The following ANKHD1 variants were observed in gnomAD, a reference collection of about 807,000 sequenced individuals.
The protein encoded by ANKHD1 is ankyrin repeat and KH domain containing 1.
ANKHD1 carries 31 observed loss-of-function variants against 230.5 expected under a neutral mutation model. The observed-to-expected ratio is 0.13, with a 90% confidence interval of 0.10 to 0.18. ANKHD1 has a LOEUF of 0.18. Ranked by LOEUF, ANKHD1 falls within the 10% of genes least tolerant of loss-of-function variation. ANKHD1 has a pLI of 1.00. For synonymous variants in ANKHD1, 1,074 were observed against 1,117.6 expected, an observed-to-expected ratio of 0.96 and a Z score of 0.78; for missense variants, 2,256 against 3,071.3, an observed-to-expected ratio of 0.73 and a Z score of 6.27.
At chr5:140,490,560 G>C (rs1233684050) in intron 14 of ANKHD1, among the ~76,000 whole-genome samples, 3 of 152,144 alleles carry the variant, frequency 2.0e-5, no homozygotes, top group Admixed American at 1.3e-4. Context: ...GACATGCTCA[G>C]TTTTCTAGCA....
chr5:140,530,066 G>C (rs956391518), intron 29 of ANKHD1, among the ~76,000 whole-genome samples: 3 of 151,958 alleles, frequency 2.0e-5, no homozygotes, highest in Non-Finnish European at 4.4e-5. Flanking sequence ...AAAAATCATA[G>C]TGATTGTTTG....
At chr5:140,489,220 A>G (rs551884084) in intron 14 of ANKHD1, among the ~76,000 whole-genome samples, 5 of 152,044 alleles carry the variant, frequency 3.3e-5, no homozygotes, top group Admixed American at 6.5e-5. Context: ...AAAAGAAAAA[A>G]AATTAGGCTA....
chr5:140,496,976 C>A lies in ANKHD1; in HGVS notation c.2702C>A (p.Thr901Lys). 1 of 1,614,196 alleles carries A rather than the reference C, an allele frequency of 6.2e-7. No homozygotes were observed. Among genetic ancestry groups the A allele is most frequent in the Non-Finnish European group, 8.5e-7 (1 of 1,180,018 alleles). The change falls in exon 15 of 34, where the codon ACA becomes AAA. Residue 901 changes from threonine to lysine, a missense_variant. Physicochemically the swap from Thr to Lys is moderately conservative, Grantham distance 78 (BLOSUM62 -1). Transcript: ENST00000360839. ...TTTTCAGAGTTACCTCAGGTTGACACAATCTTATTTAAAGATAATGATGTT... is the reference window on the plus strand; with the variant it reads ...TTTTCAGAGTTACCTCAGGTTGACAAAATCTTATTTAAAGATAATGATGTT... ...DHFSELPQVDTILFKDNDVDD... is the reference protein window; with the variant it reads ...DHFSELPQVDKILFKDNDVDD...
intron 29 of ANKHD1, among the ~76,000 whole-genome samples, chr5:140,534,156 G>T (rs1035272396): frequency 1.3e-5 from 2 of 152,154 alleles, no homozygotes; most frequent in African/African-American, 4.8e-5. Context: ...ACTTTGGGAG[G>T]CCGAGGCGGG....
In ANKHD1 at chr5:140,485,535, T is replaced by A; in HGVS notation, c.1999-54T>A. 6.2e-7 allele frequency: 1 copy of A among 1,600,938 alleles called. No individual in the cohort carries two copies. The highest frequency in any genetic ancestry group is 1.1e-5 in the South Asian group (1 of 89,702). Reference sequence around the variant, plus strand: ...ACTGTTTAAATGAGTTTTGATTTTATATGAGCTGCTAAGAAACTATAAAGA... The same window carrying A: ...ACTGTTTAAATGAGTTTTGATTTTAAATGAGCTGCTAAGAAACTATAAAGA... On this transcript the variant is annotated intron_variant, in intron 12 of 33. Coordinates refer to ENST00000360839, the MANE Select transcript of ANKHD1 (RefSeq NM_017747.3). This position sits in a 1 kb window ranked among gnomAD's most constrained non-coding sequence, Gnocchi z 4.8.
Position 140,506,761 on chromosome 5 carries a change from T to G in ANKHD1, c.3409-74T>G. 6.3e-7 allele frequency: 1 copy of G among 1,578,514 alleles called. No individual in the cohort carries two copies. The highest frequency in any genetic ancestry group is 8.6e-7 in the Non-Finnish European group (1 of 1,168,784). On this transcript the variant is annotated intron_variant, in intron 18 of 33. Transcript: ENST00000360839. The surrounding 1 kb of genome is among the most constrained non-coding windows in gnomAD (Gnocchi z 4.7). ...TAGATAAGGAAGTTATAAGTCCTGT[T>G]TCTTTGTGTTTCCTTCATTATAAGT...
chr5:140,434,996 G>A (rs1431347290), intron 1 of ANKHD1, among the ~76,000 whole-genome samples: 1 of 152,114 alleles, frequency 6.6e-6, no homozygotes, highest in Non-Finnish European at 1.5e-5. Flanking sequence ...ATTTGAAATT[G>A]GAGGGTTACA....
At chr5:140,458,212 T>G (rs1775362464) in intron 7 of ANKHD1, among the ~76,000 whole-genome samples, 1 of 152,216 alleles carries the variant, frequency 6.6e-6, no homozygotes, top group Admixed American at 6.5e-5. Flanking sequence ...TTTCTACATT[T>G]GAATATGACT....
chr5:140,441,123 C>T lies in ANKHD1; in HGVS notation c.894C>T (p.Val298=). Residue 298 remains valine, a synonymous_variant, in exon 5 of 34, where the codon GTC becomes GTT. Transcript: ENST00000360839. ...VKLLLLHDAD[V]NSQSATGNTA... ...TATTACTTCTTCATGATGCTGATGT[C>T]AACTCCCAGTCTGCAACAGGTATGT... is the stretch of plus-strand genomic sequence containing the variant. The T allele has an allele frequency of 6.2e-7, 1 of 1,600,762 alleles. No homozygotes were observed. The highest frequency in any genetic ancestry group is 8.5e-7 in the Non-Finnish European group (1 of 1,175,118).
chr5:140,458,945 CATATATATATATATAT>C (rs540544442), intron 8 of ANKHD1, 83 bp downstream of exon 8: 8 of 83,844 alleles, frequency 9.5e-5, no homozygotes, highest in Admixed American at 4.6e-4. Context: ...CTACAGCTAG[CATATATATATATATAT>C]ATATATATAT....
intron 24 of ANKHD1, among the ~76,000 whole-genome samples, chr5:140,513,748 G>T (rs993852101): frequency 6.6e-6 from 1 of 150,594 alleles, no homozygotes; most frequent in East Asian, 2.0e-4. Flanking sequence ...GGCAGAGGTT[G>T]CAGTGAGTCG....
In ANKHD1 at chr5:140,464,727, A is replaced by C; in HGVS notation, c.1733A>C (p.Asn578Thr). ...ACAGCCTTAACCTATGCTTGTGAAA[A>C]TGGACATACGGATGTTGCAGATGTT... is the stretch of plus-strand genomic sequence containing the variant. ...GDTALTYACE[N>T]GHTDVADVLL... Residue 578 changes from asparagine to threonine, a missense_variant, in exon 10 of 34, where the codon AAT (asparagine) becomes ACT (threonine). By Grantham distance (65) the Asn-to-Thr change is moderately conservative (BLOSUM62 0). Coordinates refer to ENST00000360839, the MANE Select transcript of ANKHD1 (RefSeq NM_017747.3). 1 of 1,609,214 alleles carries C rather than the reference A, an allele frequency of 6.2e-7. No individual in the cohort carries two copies. Among genetic ancestry groups the C allele is most frequent in the Non-Finnish European group, 8.5e-7 (1 of 1,176,304 alleles).
At chr5:140,408,290 A>G (rs1049322323) in intron 1 of ANKHD1, among the ~76,000 whole-genome samples, 3 of 152,178 alleles carry the variant, frequency 2.0e-5, no homozygotes. Flanking sequence ...ACCCCCATTA[A>G]TTCTTCAAAT....
chr5:140,526,781 A>G, intron 26 of ANKHD1, 147 bp from the exon 27 acceptor site: 1 of 1,186,914 alleles, frequency 8.4e-7, no homozygotes, highest in Middle Eastern at 2.9e-4. Context: ...TCTTTGCTCT[A>G]TTTCTGTTTT....
chr5:140,434,361 C>A (rs1436286293), intron 1 of ANKHD1, among the ~76,000 whole-genome samples: 1 of 150,944 alleles, frequency 6.6e-6, no homozygotes, highest in Admixed American at 6.6e-5. Context: ...TCTTTATCTA[C>A]AAATATGTTA....
At chr5:140,444,202 G>A (rs1207016280) in intron 5 of ANKHD1, among the ~76,000 whole-genome samples, 1 of 150,832 alleles carries the variant, frequency 6.6e-6, no homozygotes, top group East Asian at 1.9e-4. Flanking sequence ...TCTCCATGTG[G>A]CCATTTCAGA....
chr5:140,436,289 T>A, intron 2 of ANKHD1, 32 bp downstream of exon 2: 1 of 1,478,720 alleles, frequency 6.8e-7, no homozygotes, highest in Non-Finnish European at 9.0e-7. Context: ...CTTTTTCATA[T>A]CTTTAAAAGT....
chr5:140,482,456 A>G (rs1751327247), intron 10 of ANKHD1, 124 bp from the exon 11 acceptor site: 2 of 1,043,502 alleles, frequency 1.9e-6, no homozygotes, highest in Non-Finnish European at 2.7e-6. Context: ...GGTAGGTGGT[A>G]TAAAGTGTCT....
intron 1 of ANKHD1, among the ~76,000 whole-genome samples, chr5:140,427,779 C>T (rs1235112891): frequency 3.4e-5 from 5 of 149,076 alleles, no homozygotes; most frequent in Admixed American, 6.7e-5. Context: ...GGGGGCTGAT[C>T]CCCCCACCTC....
Sources: allele counts gnomAD v4.1 joint callset (sites outside exome capture counted in the v4.1 genomes callset), GRCh38; gene constraint gnomAD v4.1.1; non-coding constraint Gnocchi (gnomAD v3.1); transcripts MANE v1.5; gene names NCBI Gene and HGNC (gene_info 2026-07-23, HGNC 2026-07-21).